The following UGT3A2 variants were observed in gnomAD, a reference collection of about 807,000 sequenced individuals.
UGT3A2 encodes UDP-glycosyltransferase 3A2.
Under a neutral mutation model 39.8 loss-of-function variants are expected in UGT3A2, and 32 were observed. That is an observed-to-expected ratio of 0.80 (90% CI 0.61 to 1.08). UGT3A2 has a LOEUF of 1.08. Ranked by LOEUF, UGT3A2 falls within the 50% of genes least tolerant of loss-of-function variation. The pLI, the probability that UGT3A2 is intolerant of heterozygous loss-of-function variation, is 0.00. For synonymous variants in UGT3A2, 241 were observed against 230.7 expected (o/e 1.04, Z -0.40); for missense variants, 611 against 637.1 (o/e 0.96, Z 0.44).
chr5:36,061,397 C>A (rs1408375230), intron 2 of UGT3A2, among the ~76,000 whole-genome samples: 2 of 100,166 alleles, frequency 2.0e-5, no homozygotes, highest in South Asian at 4.5e-4. Context: ...CCCCTCCCCC[C>A]ACCCCACAAC....
intron 2 of UGT3A2, among the ~76,000 whole-genome samples, chr5:36,059,618 T>C (rs180933895): frequency 6.6e-6 from 1 of 152,206 alleles, no homozygotes; most frequent in East Asian, 1.9e-4. Context: ...TGTCAAGATG[T>C]GGGAACTGAG....
At chr5:36,054,546 G>T (rs1443681439) in intron 2 of UGT3A2, among the ~76,000 whole-genome samples, 2 of 152,166 alleles carry the variant, frequency 1.3e-5, no homozygotes, top group Non-Finnish European at 2.9e-5. Flanking sequence ...GTGAGAGTCT[G>T]GGTGTAATCC....
intron 6 of UGT3A2, among the ~76,000 whole-genome samples, chr5:36,036,223 C>T (rs1003179531): frequency 6.6e-6 from 1 of 152,102 alleles, no homozygotes; most frequent in Non-Finnish European, 1.5e-5. Flanking sequence ...TCCAAGGAGG[C>T]TTATGATGTG....
intron 4 of UGT3A2, among the ~76,000 whole-genome samples, chr5:36,042,314 A>C (rs143573469): frequency 6.6e-6 from 1 of 152,308 alleles, no homozygotes; most frequent in Non-Finnish European, 1.5e-5. Context: ...AGTTGTCATC[A>C]GATTAAAATA....
Position 36,044,114 on chromosome 5 carries a change from A to G in UGT3A2, c.844-4406T>C, listed in dbSNP as rs987877218. ...ACAAAATACTAGCAAACCAAAATCAACAACACATTAAAAAGATCATTCATC... is the reference window on the plus strand; with the variant it reads ...ACAAAATACTAGCAAACCAAAATCAGCAACACATTAAAAAGATCATTCATC... On this transcript the variant is annotated intron_variant, in intron 4 of 6. Transcript: ENST00000282507. 3.9e-5 allele frequency among the ~76,000 whole-genome samples: 6 copies of G among 152,064 alleles called. No homozygotes were observed. In the East Asian group the frequency reaches 7.7e-4, roughly 20 times the overall value.
At chr5:36,044,176 C>T (rs1022855257) in intron 4 of UGT3A2, among the ~76,000 whole-genome samples, 1 of 151,866 alleles carries the variant, frequency 6.6e-6, no homozygotes, top group Non-Finnish European at 1.5e-5. Context: ...ACTGAAGGAT[C>T]GTTCAACATA....
At chr5:36,042,962 T>C (rs1364197253) in intron 4 of UGT3A2, among the ~76,000 whole-genome samples, 3 of 152,020 alleles carry the variant, frequency 2.0e-5, no homozygotes, top group South Asian at 2.1e-4. Flanking sequence ...ACTTTCAGCA[T>C]TGGACGCATC....
chr5:36,054,074 A>G (rs1249070031), intron 2 of UGT3A2, among the ~76,000 whole-genome samples: 2 of 152,250 alleles, frequency 1.3e-5, no homozygotes, highest in East Asian at 3.8e-4. Context: ...TAATGTTTTA[A>G]GAAAGTTTAT....
At position 36,049,086 on chromosome 5, in the gene UGT3A2, G is replaced by C. The variant is rs1399820061; in HGVS notation, c.646C>G (p.His216Asp). ...MFFSFCRRQQ[H>D]MQSTFDNTIK... ...GTGTTGTCAAATGTAGACTGCATGT[G>C]CTGTTGCCTCCTGCAGAAACTAAAG... Residue 216 changes from histidine (H) to aspartate (D), a missense_variant, in exon 4 of 7, where the codon CAC becomes GAC. His to Asp is a moderately conservative substitution (Grantham distance 81). Transcript: ENST00000282507. The C allele has an allele frequency of 3.7e-6, 6 of 1,614,068 alleles. No individual in the cohort carries two copies. In the African/African-American group the frequency reaches 8.0e-5, roughly 22 times the overall value.
chr5:36,041,012 T>C (rs1350103562), intron 4 of UGT3A2, among the ~76,000 whole-genome samples: 3 of 152,144 alleles, frequency 2.0e-5, no homozygotes, highest in South Asian at 2.1e-4. Context: ...ATCTAGGCCT[T>C]AGCTCCTGGA....
At chr5:36,040,783 C>T (rs924380727) in intron 4 of UGT3A2, among the ~76,000 whole-genome samples, 5 of 152,138 alleles carry the variant, frequency 3.3e-5, no homozygotes, top group Admixed American at 1.3e-4. Flanking sequence ...AACTAAAATC[C>T]CTGGAGTGCA....
At chr5:36,043,381 C>T (rs182018440) in intron 4 of UGT3A2, among the ~76,000 whole-genome samples, 9 of 151,692 alleles carry the variant, frequency 5.9e-5, no homozygotes, top group East Asian at 1.9e-4. Flanking sequence ...ACAGTGAAAA[C>T]GATACTAAGA....
At chr5:36,050,479 C>T (rs996068906) in intron 3 of UGT3A2, among the ~76,000 whole-genome samples, 1 of 152,228 alleles carries the variant, frequency 6.6e-6, no homozygotes, top group Non-Finnish European at 1.5e-5. Flanking sequence ...AGGTCCCTCA[C>T]TAGTGATATG....
At position 36,035,342 on chromosome 5, in the gene UGT3A2, T is replaced by G. The variant is rs1580991725; in HGVS notation, c.*356A>C. 1 of 272,044 alleles carries G rather than the reference T, an allele frequency of 3.7e-6. No individual in the cohort carries two copies. Among genetic ancestry groups the G allele is most frequent in the Middle Eastern group, 1.3e-3 (1 of 768 alleles). The allele number at this position is 272,044 out of a possible 1,614,324, so 16.9% of individuals were successfully genotyped here. Reference sequence around the variant, plus strand: ...GGTCTGGACATGGAGGCTGGAAGAGTCAGGGTGTGATTCGGAGAGGCGCAT... The same window carrying G: ...GGTCTGGACATGGAGGCTGGAAGAGGCAGGGTGTGATTCGGAGAGGCGCAT... On this transcript the variant is annotated 3_prime_UTR_variant, in exon 7 of 7. Coordinates refer to ENST00000282507, the MANE Select transcript of UGT3A2 (RefSeq NM_174914.4).
intron 2 of UGT3A2, among the ~76,000 whole-genome samples, chr5:36,053,980 G>A (rs958804022): frequency 2.0e-5 from 3 of 152,172 alleles, no homozygotes; most frequent in African/African-American, 7.2e-5. Context: ...ATTGGAAGAA[G>A]AAGAATTGTC....
intron 5 of UGT3A2, among the ~76,000 whole-genome samples, chr5:36,038,869 G>A (rs1419730921): frequency 2.6e-5 from 4 of 152,184 alleles, no homozygotes; most frequent in African/African-American, 9.7e-5. Context: ...ACCTGTTGGG[G>A]GTGAGGGAGC....
rs2111686984 is a variant in UGT3A2, at chr5:36,037,642, C to A, written c.1295+155G>T. Among the ~76,000 whole-genome samples, 3 of 152,304 alleles carry A rather than the reference C, an allele frequency of 2.0e-5. No individual in the cohort carries two copies. The South Asian group carries it at 6.2e-4, about 32-fold the overall frequency. ...CTTGCTCTCAGAGGACACAGGTCAG[C>A]TGTTGGCATCACACACATATTATCC... On this transcript the variant is annotated intron_variant, in intron 6 of 6. Coordinates refer to ENST00000282507, the MANE Select transcript of UGT3A2 (RefSeq NM_174914.4).
intron 2 of UGT3A2, among the ~76,000 whole-genome samples, chr5:36,057,774 A>C (rs1199064303): frequency 6.6e-6 from 1 of 152,074 alleles, no homozygotes; most frequent in South Asian, 2.1e-4. Context: ...TCCTGGGCTC[A>C]AGTGATCCTC....
chr5:36,060,506 G>A (rs534630764), intron 2 of UGT3A2, among the ~76,000 whole-genome samples: 6 of 152,206 alleles, frequency 3.9e-5, no homozygotes, highest in Admixed American at 1.3e-4. Context: ...CTGACCAATC[G>A]TTACCTCCTC....
Sources: allele counts gnomAD v4.1 joint callset (sites outside exome capture counted in the v4.1 genomes callset), GRCh38; gene constraint gnomAD v4.1.1; transcripts MANE v1.5; gene names NCBI Gene and HGNC (gene_info 2026-07-23, HGNC 2026-07-21).